The following PCDH15 variants were observed in gnomAD, a reference collection of about 807,000 sequenced individuals.
PCDH15 encodes protocadherin related 15.
Under a neutral mutation model 178.5 loss-of-function variants are expected in PCDH15, and 129 were observed. The observed-to-expected ratio is 0.72, with a 90% CI of 0.63 to 0.84. The LOEUF (loss-of-function observed/expected upper bound fraction) is 0.84. Among genes scored for constraint, PCDH15 ranks in the 40% least tolerant of loss-of-function variants. PCDH15 has a pLI of 0.00. For synonymous variants in PCDH15, 800 were observed against 732.0 expected, an observed-to-expected ratio of 1.09 and a Z score of -1.50; for missense variants, 2,230 against 2,099.9, an observed-to-expected ratio of 1.06 and a Z score of -1.21.
intron 2 of PCDH15, among the ~76,000 whole-genome samples, chr10:54,904,899 G>C (rs981129471): frequency 6.7e-6 from 1 of 150,254 alleles, no homozygotes; most frequent in Non-Finnish European, 1.5e-5. Context: ...AAACAAAAAG[G>C]ACAAAGATAA....
In PCDH15 at chr10:54,023,027, G is replaced by A. The variant is rs748017277; in HGVS notation, c.2391C>T (p.His797=). ...LVVVATDGAV[H]PRHSTLTLAI... ...CCAAGGTTAGAGTTGAATGACGAGG[G>A]TGTACTGCTCCATCTGTTGCCACAA... The change falls in exon 19 of 38, where the codon CAC becomes CAT. Residue 797 remains histidine (H), a synonymous_variant. Transcript: ENST00000644397. 3.7e-6 allele frequency: 6 copies of A among 1,613,832 alleles called. No homozygotes were observed. The highest frequency in any genetic ancestry group is 4.2e-6 in the Non-Finnish European group (5 of 1,179,898).
chr10:55,573,648 T>C lies in PCDH15; in HGVS notation c.-156+53977A>G, dbSNP rs532660879. On this transcript the variant is annotated intron_variant, in intron 2 of 5. Coordinates refer to the PCDH15 transcript ENST00000613346. The stretch of plus-strand genomic sequence containing the variant: ...ATTTTAACTGTTTATCAAAAGAAAA[T>C]TCGAATTAGTAATAATTTTCAGATT... 1.8e-4 allele frequency among the ~76,000 whole-genome samples: 27 copies of C among 152,166 alleles called. No homozygotes were observed. In the South Asian group the frequency reaches 5.4e-3, roughly 30 times the overall value.
At chr10:54,010,725 C>A (rs1237204887) in intron 20 of PCDH15, among the ~76,000 whole-genome samples, 1 of 152,130 alleles carries the variant, frequency 6.6e-6, no homozygotes, top group Admixed American at 6.5e-5. Flanking sequence ...GGCCACTATG[C>A]AGGAACTCCA....
chr10:55,395,963 G>T (rs962121899), intron 2 of PCDH15, among the ~76,000 whole-genome samples: 4 of 151,986 alleles, frequency 2.6e-5, no homozygotes, highest in African/African-American at 9.7e-5. Context: ...CCCAAAAAAT[G>T]TCATATGCTT....
At chr10:54,962,750 C>A (rs1838688216) in intron 2 of PCDH15, among the ~76,000 whole-genome samples, 1 of 152,158 alleles carries the variant, frequency 6.6e-6, no homozygotes. Flanking sequence ...TTCACACACC[C>A]CTCTCTACTC....
intron 15 of PCDH15, among the ~76,000 whole-genome samples, chr10:54,122,699 G>C (rs1590624905): frequency 6.6e-6 from 1 of 151,856 alleles, no homozygotes; most frequent in Admixed American, 6.6e-5. Context: ...ATTTTAGCAA[G>C]GTACTAGGAT....
At chr10:54,896,613 C>T (rs1954549853) in intron 3 of PCDH15, among the ~76,000 whole-genome samples, 1 of 151,648 alleles carries the variant, frequency 6.6e-6, no homozygotes, top group Non-Finnish European at 1.5e-5. Context: ...TGTTTCTTCT[C>T]CTTAAGTTTT....
intron 2 of PCDH15, among the ~76,000 whole-genome samples, chr10:54,924,477 G>T (rs1335198731): frequency 7.3e-6 from 1 of 137,358 alleles, no homozygotes; most frequent in Non-Finnish European, 1.7e-5. Context: ...TGATTGCTGG[G>T]TTGAATAGTA....
chr10:55,390,263 T>C (rs977568756), intron 2 of PCDH15, among the ~76,000 whole-genome samples: 1 of 152,208 alleles, frequency 6.6e-6, no homozygotes, highest in East Asian at 1.9e-4. Flanking sequence ...AAAGTGTGAA[T>C]GATCATCTGA....
At chr10:54,985,607 G>C (rs1006006989) in intron 2 of PCDH15, among the ~76,000 whole-genome samples, 2 of 152,172 alleles carry the variant, frequency 1.3e-5, no homozygotes, top group African/African-American at 4.8e-5. Context: ...TATTTACCCT[G>C]ATGATCAGGT....
chr10:55,616,111 G>A (rs1482398359), intron 2 of PCDH15, among the ~76,000 whole-genome samples: 3 of 152,144 alleles, frequency 2.0e-5, no homozygotes, highest in Admixed American at 6.5e-5. Context: ...ATGCAGCAAA[G>A]TTGCTCTATT....
At chr10:54,593,954 T>G (rs2092047252) in intron 2 of PCDH15, among the ~76,000 whole-genome samples, 1 of 151,446 alleles carries the variant, frequency 6.6e-6, no homozygotes, top group African/African-American at 2.4e-5. Flanking sequence ...GGTGTACCCC[T>G]AGTAAATCTT....
intron 2 of PCDH15, among the ~76,000 whole-genome samples, chr10:55,034,382 A>G (rs556327343): frequency 2.0e-5 from 3 of 152,330 alleles, no homozygotes; most frequent in African/African-American, 4.8e-5. Context: ...GTCACTGACA[A>G]TGTTAAAATG....
At chr10:55,176,082 A>G (rs1338430577) in intron 1 of PCDH15, among the ~76,000 whole-genome samples, 5 of 152,040 alleles carry the variant, frequency 3.3e-5, no homozygotes, top group African/African-American at 9.7e-5. Context: ...TCAGACCACC[A>G]TTACCATCCA....
At chr10:55,032,215 C>T (rs1373063920) in intron 2 of PCDH15, among the ~76,000 whole-genome samples, 1 of 152,098 alleles carries the variant, frequency 6.6e-6, no homozygotes, top group Admixed American at 6.5e-5. Flanking sequence ...TGAGGAATAT[C>T]TTATTGGAAT....
chr10:54,219,486 G>A (rs10825280), intron 9 of PCDH15, among the ~76,000 whole-genome samples: 8,365 of 149,852 alleles, frequency 0.056, 269 homozygotes, highest in Middle Eastern at 0.095. Flanking sequence ...CCAGCTACTC[G>A]GGAGGCTGAG....
chr10:54,157,219 G>T (rs1213667283), intron 13 of PCDH15, among the ~76,000 whole-genome samples: 1 of 152,214 alleles, frequency 6.6e-6, no homozygotes, highest in Non-Finnish European at 1.5e-5. Context: ...TTTCCCTTCT[G>T]CACTGCCCTA....
intron 1 of PCDH15, among the ~76,000 whole-genome samples, chr10:54,757,967 G>A (rs1947382938): frequency 6.6e-6 from 1 of 152,118 alleles, no homozygotes; most frequent in South Asian, 2.1e-4. Flanking sequence ...ACCCTTCATT[G>A]CTTTATATTA....
At chr10:55,154,818 T>G (rs1190121115) in intron 2 of PCDH15, among the ~76,000 whole-genome samples, 2 of 152,160 alleles carry the variant, frequency 1.3e-5, no homozygotes, top group Non-Finnish European at 2.9e-5. Context: ...TCAATTCTCT[T>G]TACATCAATG....
Sources: gnomAD v4.1 joint callset for allele counts (sites outside exome capture counted in the v4.1 genomes callset) on GRCh38, gnomAD v4.1.1 for gene constraint, MANE v1.5 for transcripts, NCBI Gene and HGNC (gene_info 2026-07-23, HGNC 2026-07-21) for gene names.